HDAC4: variants seen among roughly 807,000 people sequenced by gnomAD.
HDAC4 encodes histone deacetylase 4.
A neutral mutation model predicts 135.1 loss-of-function variants in HDAC4; 16 were observed. That is an observed-to-expected ratio of 0.12 (90% confidence interval 0.08 to 0.18). The LOEUF (loss-of-function observed/expected upper bound fraction) is 0.18. HDAC4 is among the 10% of genes least tolerant of loss of function. HDAC4 has a pLI of 1.00. For synonymous variants in HDAC4, 685 were observed against 653.4 expected (o/e 1.05, Z -0.74); for missense variants, 1,143 against 1,511.8 (o/e 0.76, Z 4.05).
chr2:239,258,034 C>T (rs11898008), intron 2 of HDAC4, among the ~76,000 whole-genome samples: 8 of 152,026 alleles, frequency 5.3e-5, no homozygotes, highest in Non-Finnish European at 8.8e-5. Flanking sequence ...TAAGATCCTG[C>T]GGCAGTTTTA....
intron 26 of HDAC4, 129 bp from the exon 27 acceptor site, chr2:239,053,265 G>C (rs1339456905): frequency 2.9e-6 from 4 of 1,364,344 alleles, no homozygotes; most frequent in Non-Finnish European, 4.1e-6. Context: ...GGCAGCCCCG[G>C]GTCCATCTGT....
At chr2:239,215,849 C>T (rs2046604719) in intron 3 of HDAC4, among the ~76,000 whole-genome samples, 1 of 152,170 alleles carries the variant, frequency 6.6e-6, no homozygotes, top group Non-Finnish European at 1.5e-5. Context: ...CATAAAAAAT[C>T]ACCCTGAATA....
At chr2:239,319,565 C>G (rs967431509) in intron 2 of HDAC4, among the ~76,000 whole-genome samples, 31 of 152,198 alleles carry the variant, frequency 2.0e-4, no homozygotes, top group African/African-American at 7.5e-4. Context: ...TTACCCGTGA[C>G]CCGGCACTCC....
intron 3 of HDAC4, among the ~76,000 whole-genome samples, chr2:239,211,237 C>A (rs546670761): frequency 2.0e-5 from 3 of 152,310 alleles, no homozygotes; most frequent in African/African-American, 7.2e-5. Context: ...TATATTATTT[C>A]TTTCATCCTA....
At chr2:239,374,658 C>A (rs1442462799) in intron 1 of HDAC4, among the ~76,000 whole-genome samples, 2 of 152,024 alleles carry the variant, frequency 1.3e-5, no homozygotes, top group Non-Finnish European at 1.5e-5. Context: ...CCGCCTCGGC[C>A]TCCCAAAGTG....
intron 3 of HDAC4, among the ~76,000 whole-genome samples, chr2:239,199,654 C>T (rs566762519): frequency 5.3e-4 from 81 of 152,178 alleles, no homozygotes; most frequent in African/African-American, 1.7e-3. Context: ...TTGGATCGGG[C>T]GGCCCTCCAG....
chr2:239,215,751 C>G (rs2046597065), intron 3 of HDAC4, among the ~76,000 whole-genome samples: 1 of 152,154 alleles, frequency 6.6e-6, no homozygotes, highest in East Asian at 1.9e-4. Context: ...ACTGGCAAAG[C>G]TGTCTGCACC....
At chr2:239,296,496 C>T (rs1219589894) in intron 2 of HDAC4, among the ~76,000 whole-genome samples, 1 of 152,220 alleles carries the variant, frequency 6.6e-6, no homozygotes, top group African/African-American at 2.4e-5. Flanking sequence ...TAAAGGTCAC[C>T]CCGTGACATT....
chr2:239,264,718 T>C (rs1428925827), intron 2 of HDAC4, among the ~76,000 whole-genome samples: 1 of 152,160 alleles, frequency 6.6e-6, no homozygotes, highest in Non-Finnish European at 1.5e-5. Flanking sequence ...CCCCGTCCTG[T>C]CTGCAGCATT....
intron 2 of HDAC4, among the ~76,000 whole-genome samples, chr2:239,305,282 C>T (rs759200660): frequency 2.0e-5 from 3 of 152,246 alleles, no homozygotes; most frequent in East Asian, 1.9e-4. Context: ...CGATGGCAGT[C>T]GCCTCAGGGC....
intron 3 of HDAC4, among the ~76,000 whole-genome samples, chr2:239,224,051 C>A (rs1276761873): frequency 6.6e-6 from 1 of 152,126 alleles, no homozygotes; most frequent in Non-Finnish European, 1.5e-5. Flanking sequence ...AAGCACTGCA[C>A]AGATCCATAC....
chr2:239,307,254 G>C lies in HDAC4; in HGVS notation c.22+45424C>G. On this transcript the variant is annotated intron_variant, in intron 2 of 26. Transcript: ENST00000543185. This position sits in a 1 kb window ranked among gnomAD's most constrained non-coding sequence, Gnocchi z 4.8. Reference sequence around the variant, plus strand: ...CCCAATGGTCATCCTCAGATGAGTGGGGGCTGTGCTCAGGACCCTCAGGGG... The same window carrying C: ...CCCAATGGTCATCCTCAGATGAGTGCGGGCTGTGCTCAGGACCCTCAGGGG... 6.6e-6 allele frequency among the ~76,000 whole-genome samples: 1 copy of C among 152,156 alleles called. No individual in the cohort carries two copies. Among genetic ancestry groups the C allele is most frequent in the East Asian group, 1.9e-4 (1 of 5,162 alleles).
intron 2 of HDAC4, among the ~76,000 whole-genome samples, chr2:239,248,478 C>T (rs1384461706): frequency 2.0e-5 from 3 of 152,186 alleles, no homozygotes; most frequent in Non-Finnish European, 4.4e-5. Flanking sequence ...CAGAGCCCGG[C>T]CACCTCTAGC....
chr2:239,208,326 C>CAAATAA (rs2046174441), intron 3 of HDAC4, among the ~76,000 whole-genome samples: 1 of 68,212 alleles, frequency 1.5e-5, no homozygotes, highest in African/African-American at 1.0e-4. Context: ...GACTCCGTCC[C>CAAATAA]AAAAAAAAAA....
chr2:239,147,149 C>T (rs751030649), intron 7 of HDAC4, among the ~76,000 whole-genome samples: 22 of 152,154 alleles, frequency 1.4e-4, no homozygotes, highest in Non-Finnish European at 2.5e-4. Context: ...AGCACGTGGA[C>T]CAGGAGAGAA....
chr2:239,059,928 A>G (rs1384911133), intron 24 of HDAC4, among the ~76,000 whole-genome samples: 1 of 152,120 alleles, frequency 6.6e-6, no homozygotes, highest in African/African-American at 2.4e-5. Flanking sequence ...AGCCTGCAGG[A>G]GAGCTCTCCG....
chr2:239,390,745 G>A (rs916696553), intron 1 of HDAC4, among the ~76,000 whole-genome samples: 30 of 152,062 alleles, frequency 2.0e-4, no homozygotes, highest in Admixed American at 1.3e-4. Flanking sequence ...ACCAGGAGCC[G>A]CCACATGCCT....
chr2:239,218,259 C>A (rs1417852083), intron 3 of HDAC4, among the ~76,000 whole-genome samples: 3 of 152,038 alleles, frequency 2.0e-5, no homozygotes, highest in Admixed American at 6.5e-5. Flanking sequence ...CATACTGGTA[C>A]CAAAACAGAG....
intron 15 of HDAC4, among the ~76,000 whole-genome samples, chr2:239,106,828 CA>C (rs1352567430): frequency 6.6e-6 from 1 of 152,194 alleles, no homozygotes; most frequent in Non-Finnish European, 1.5e-5. Flanking sequence ...TCCACGTGCT[CA>C]CTCATCTCTG....
Sources: gnomAD v4.1 joint callset for allele counts (sites outside exome capture counted in the v4.1 genomes callset) on GRCh38, gnomAD v4.1.1 for gene constraint, Gnocchi (gnomAD v3.1) non-coding constraint, MANE v1.5 for transcripts, NCBI Gene and HGNC (gene_info 2026-07-23, HGNC 2026-07-21) for gene names.